The following FKBP15 variants were observed in gnomAD, a reference collection of about 807,000 sequenced individuals.
FKBP15 encodes the protein FK506-binding protein 15.
In FKBP15, 106 loss-of-function variants were observed where a neutral mutation model predicts 158.1. The ratio of observed to expected loss-of-function variants is 0.67; its 90% CI spans 0.57 to 0.79. The LOEUF (loss-of-function observed/expected upper bound fraction) is 0.79, where lower values mean the gene tolerates loss of function less well. Ranked by LOEUF, FKBP15 falls within the 30% of genes least tolerant of loss-of-function variation. FKBP15 has a pLI of 0.00. For synonymous variants in FKBP15, 547 were observed against 548.6 expected, an observed-to-expected ratio of 1.00 and a Z score of 0.04; for missense variants, 1,287 against 1,479.1, an observed-to-expected ratio of 0.87 and a Z score of 2.13.
At position 113,184,980 on chromosome 9, in the gene FKBP15, G is replaced by C. The variant is rs1292725373; in HGVS notation, c.1499-176C>G. Among the ~76,000 whole-genome samples the C allele has an allele frequency of 6.6e-6, 1 of 152,214 alleles. No individual in the cohort carries two copies. Among genetic ancestry groups the C allele is most frequent in the African/African-American group, 2.4e-5 (1 of 41,452 alleles). ...TATATGGGAGAGAGTAGAGGCAAAAGGGCTTCAAAGTAAACAATAACTAAG... is the reference window on the plus strand; with the variant it reads ...TATATGGGAGAGAGTAGAGGCAAAACGGCTTCAAAGTAAACAATAACTAAG... On this transcript the variant is annotated intron_variant, in intron 15 of 27. Transcript: ENST00000238256. This position sits in a 1 kb window ranked among gnomAD's most constrained non-coding sequence, Gnocchi z 4.5.
chr9:113,212,302 C>T (rs1250525739), intron 1 of FKBP15, among the ~76,000 whole-genome samples: 1 of 152,128 alleles, frequency 6.6e-6, no homozygotes, highest in East Asian at 1.9e-4. Context: ...GATTCTCCTG[C>T]CTCAGCCTCC....
chr9:113,211,454 C>G, intron 2 of FKBP15, 23 bp downstream of exon 2: 2 of 1,565,156 alleles, frequency 1.3e-6, no homozygotes, highest in Non-Finnish European at 8.7e-7. Flanking sequence ...CCACCTCGCT[C>G]GGCTAATACA....
chr9:113,187,756 A>C (rs1362550146), intron 14 of FKBP15, 37 bp downstream of exon 14: 3 of 1,504,490 alleles, frequency 2.0e-6, no homozygotes, highest in African/African-American at 2.7e-5. Context: ...ACCACAGCAA[A>C]TTATAGGATA....
In FKBP15 at chr9:113,184,401, T is replaced by A; in HGVS notation, c.1609-2A>T. ...ACTATGTTTCTGTAACTCTTCAACCTACAAAAGGGATACCAGAAAGACCTT... is the reference window on the plus strand; with the variant it reads ...ACTATGTTTCTGTAACTCTTCAACCAACAAAAGGGATACCAGAAAGACCTT... On this transcript the variant is annotated splice_acceptor_variant, in intron 16 of 27. Transcript: ENST00000238256. LOFTEE classifies it high-confidence loss of function. The surrounding 1 kb of genome is among the most constrained non-coding windows in gnomAD (Gnocchi z 4.5). 6.3e-7 allele frequency: 1 copy of A among 1,583,628 alleles called. No individual in the cohort carries two copies. Among genetic ancestry groups the A allele is most frequent in the Non-Finnish European group, 8.6e-7 (1 of 1,158,152 alleles).
intron 18 of FKBP15, 97 bp downstream of exon 18, chr9:113,183,654 C>T: frequency 1.3e-6 from 1 of 759,976 alleles, no homozygotes; most frequent in Admixed American, 2.6e-5. Context: ...GGCAGAAATA[C>T]ATACGTACTG....
At chr9:113,168,695 G>A in intron 26 of FKBP15, 139 bp from the exon 27 acceptor site, 1 of 718,170 alleles carries the variant, frequency 1.4e-6, no homozygotes, top group Non-Finnish European at 2.3e-6. Context: ...CACCTCCGCT[G>A]CCACCATCTC....
rs148324933 is a variant in FKBP15 at position 113,198,747 on chromosome 9, C to T, written c.717+108G>A. 5.4e-4 allele frequency: 449 copies of T among 824,456 alleles called. 1 individual carries two copies. In the African/African-American group the frequency reaches 6.2e-3, roughly 11 times the overall value. 51.1% of individuals were successfully genotyped at this position (824,456 alleles called of 1,614,324 possible). A position where few individuals can be genotyped will look rare whatever the true frequency, so the allele number is the denominator to read the frequency against. ...AGCTTGAACAACAAGAGCGAAACTC[C>T]GTCTCAAAAAATAAAAATAAAATAA... On this transcript the variant is annotated intron_variant, in intron 8 of 27. Coordinates refer to ENST00000238256, the MANE Select transcript of FKBP15 (RefSeq NM_015258.2). This position sits in a 1 kb window ranked among gnomAD's most constrained non-coding sequence, Gnocchi z 5.2.
intron 6 of FKBP15, among the ~76,000 whole-genome samples, chr9:113,200,470 T>C (rs992514196): frequency 6.6e-6 from 1 of 152,204 alleles, no homozygotes. Context: ...ATTTAAAAAA[T>C]CATGTTGCAT....
Position 113,177,555 on chromosome 9 carries a change from G to A in FKBP15, c.2087-882C>T, listed in dbSNP as rs118129733. 2.3e-3 allele frequency among the ~76,000 whole-genome samples: 347 copies of A among 152,244 alleles called. 2 individuals are homozygous for A. The highest frequency in any genetic ancestry group is 3.5e-3 in the Non-Finnish European group (235 of 68,018). ...TCCCAACGCTTTGGGAGAACAGGGC[G>A]GAAGGATGGCTTGAGGTCAAGAGTT... On this transcript the variant is annotated intron_variant, in intron 20 of 27. Transcript: ENST00000238256.
rs147861212 is a variant in FKBP15, at chr9:113,171,456, A to G, written c.2658+125T>C. ...ACAAACACCAAATCTGGTTCATTTT[A>G]AAGTCATCAGACAAGTAAAACATCA... On this transcript the variant is annotated intron_variant, in intron 24 of 27. Transcript: ENST00000238256. 190 of 1,240,762 alleles carry G rather than the reference A, an allele frequency of 1.5e-4. No homozygotes were observed. In the East Asian group the frequency reaches 4.5e-3, roughly 29 times the overall value. The allele number at this position is 1,240,762 out of a possible 1,614,324, so 76.9% of individuals were successfully genotyped here.
chr9:113,184,218 A>T lies in FKBP15; in HGVS notation c.1716+74T>A. 1 of 1,022,132 alleles carries T rather than the reference A, an allele frequency of 9.8e-7. No individual in the cohort carries two copies. Among genetic ancestry groups the T allele is most frequent in the Non-Finnish European group, 1.5e-6 (1 of 674,748 alleles). The allele number at this position is 1,022,132 out of a possible 1,614,324, so 63.3% of individuals were successfully genotyped here. ...AGGCTATTTCTGGGGTGGAGGTGTTAAAGAGTAGTACCTCTGAGAAGAGAG... is the reference window on the plus strand; with the variant it reads ...AGGCTATTTCTGGGGTGGAGGTGTTTAAGAGTAGTACCTCTGAGAAGAGAG... On this transcript the variant is annotated intron_variant, in intron 17 of 27. Transcript: ENST00000238256. The surrounding 1 kb of genome is among the most constrained non-coding windows in gnomAD (Gnocchi z 4.5).
At chr9:113,214,581 C>G (rs4571803) in intron 1 of FKBP15, among the ~76,000 whole-genome samples, 1 of 152,040 alleles carries the variant, frequency 6.6e-6, no homozygotes, top group South Asian at 2.1e-4. Context: ...TAGCATAATG[C>G]CTAAGGGCCC....
At position 113,166,015 on chromosome 9, in the gene FKBP15, G is replaced by T; in HGVS notation, c.*63C>A. The T allele has an allele frequency of 6.7e-7, 1 of 1,501,106 alleles. No individual in the cohort carries two copies. Among genetic ancestry groups the T allele is most frequent in the Admixed American group, 1.9e-5 (1 of 53,168 alleles). The allele number at this position is 1,501,106 out of a possible 1,614,324, so 93.0% of individuals were successfully genotyped here. On this transcript the variant is annotated 3_prime_UTR_variant, in exon 28 of 28. Transcript: ENST00000238256. The stretch of plus-strand genomic sequence containing the variant: ...TGTGGTTCGCCTAGACCCAGGGTTG[G>T]CTGTGCAAAATCATGCTTAGGGAAG...
intron 4 of FKBP15, 24 bp from the exon 5 acceptor site, chr9:113,203,059 GAAAAAAA>G (rs10568341): frequency 2.4e-6 from 3 of 1,240,384 alleles, no homozygotes; most frequent in Admixed American, 4.9e-5. Context: ...ACGACAGATA[GAAAAAAA>G]AAAAGAGAGA....
intron 19 of FKBP15, 101 bp downstream of exon 19, chr9:113,182,665 G>T: frequency 1.2e-6 from 1 of 847,614 alleles, no homozygotes; most frequent in Non-Finnish European, 1.9e-6. Flanking sequence ...TGCAGTGACT[G>T]CAAAAATTCT....
chr9:113,191,648 A>T (rs1281934869), intron 11 of FKBP15, among the ~76,000 whole-genome samples: 3 of 148,264 alleles, frequency 2.0e-5, no homozygotes, highest in East Asian at 3.9e-4. Context: ...TATATATAAT[A>T]TAAATTATAT....
intron 9 of FKBP15, among the ~76,000 whole-genome samples, chr9:113,195,320 T>A (rs1200718725): frequency 6.6e-6 from 1 of 152,212 alleles, no homozygotes; most frequent in Non-Finnish European, 1.5e-5. Context: ...TCTACCAGCC[T>A]TGTGAATTTA....
chr9:113,183,884 G>T (rs1405974892), intron 17 of FKBP15, 39 bp from the exon 18 acceptor site: 3 of 1,493,858 alleles, frequency 2.0e-6, no homozygotes, highest in Non-Finnish European at 2.8e-6. Context: ...TAAGTGTCTT[G>T]GGAGAAAAGT....
intron 7 of FKBP15, 83 bp downstream of exon 7, chr9:113,199,731 G>A (rs1446782839): frequency 8.0e-6 from 11 of 1,369,024 alleles, no homozygotes; most frequent in East Asian, 2.6e-5. Context: ...AACAGCAGCC[G>A]TTCACAGTAA....
Sources: gnomAD v4.1 joint callset for allele counts (sites outside exome capture counted in the v4.1 genomes callset) on GRCh38, gnomAD v4.1.1 for gene constraint, Gnocchi (gnomAD v3.1) non-coding constraint, MANE v1.5 for transcripts, NCBI Gene and HGNC (gene_info 2026-07-23, HGNC 2026-07-21) for gene names.